Variants in KIF3B observed in about 807,000 individuals in gnomAD.
KIF3B encodes the protein kinesin family member 3B, also known as kinesin-like protein KIF3B.
Under a neutral mutation model 74.3 loss-of-function variants are expected in KIF3B, and 38 were observed. The ratio of observed to expected loss-of-function variants is 0.51; its 90% CI spans 0.39 to 0.67. The LOEUF is 0.67. Among genes scored for constraint, KIF3B ranks in the 30% least tolerant of loss-of-function variants. The probability of loss-of-function intolerance (pLI) is 0.00; values close to 1 mark genes in which losing one functional copy is unlikely to be tolerated. For synonymous variants in KIF3B, 326 were observed against 342.5 expected (o/e 0.95, Z 0.53); for missense variants, 649 against 932.0 (o/e 0.70, Z 3.95).
intron 1 of KIF3B, among the ~76,000 whole-genome samples, chr20:32,279,273 A>G (rs2047631195): frequency 6.6e-6 from 1 of 152,036 alleles, no homozygotes; most frequent in African/African-American, 2.4e-5. Flanking sequence ...ACGTGTTTCT[A>G]GGTAAATCCT....
At chr20:32,329,354 T>G (rs1357999821) in intron 7 of KIF3B, among the ~76,000 whole-genome samples, 2 of 150,248 alleles carry the variant, frequency 1.3e-5, no homozygotes, top group Non-Finnish European at 3.0e-5. Context: ...TTTTTTCTTT[T>G]TTTTTTTTTT....
intron 1 of KIF3B, among the ~76,000 whole-genome samples, chr20:32,281,408 G>A (rs2047642323): frequency 6.6e-6 from 1 of 152,188 alleles, no homozygotes; most frequent in Admixed American, 6.6e-5. Flanking sequence ...TTCTGTTTTA[G>A]CCTGGAGATA....
chr20:32,318,508 T>C (rs1195514900), intron 5 of KIF3B, among the ~76,000 whole-genome samples: 1 of 152,176 alleles, frequency 6.6e-6, no homozygotes, highest in Non-Finnish European at 1.5e-5. Context: ...GCTTCCTGTC[T>C]CTATGGCTTT....
At chr20:32,290,967 A>G (rs1444156938) in intron 1 of KIF3B, among the ~76,000 whole-genome samples, 1 of 152,176 alleles carries the variant, frequency 6.6e-6, no homozygotes, top group Non-Finnish European at 1.5e-5. Context: ...CACATGCTTT[A>G]GTATTGATGA....
intron 5 of KIF3B, among the ~76,000 whole-genome samples, chr20:32,319,300 T>C (rs1482694386): frequency 6.6e-6 from 1 of 151,748 alleles, no homozygotes; most frequent in African/African-American, 2.4e-5. Context: ...TCCTGTCTCT[T>C]TTATCATAGA....
In KIF3B at chr20:32,320,535, T is replaced by TA. The variant is rs533344629; in HGVS notation, c.1748+3662dup. ...TGTTTTGTTAGTTTTTTTTTTTTTT[T>TA]AGAGATAAGGCCTTCTTCTGTCAAT... On this transcript the variant is annotated intron_variant, in intron 5 of 8. Coordinates refer to ENST00000375712, the MANE Select transcript of KIF3B (RefSeq NM_004798.4). Among the ~76,000 whole-genome samples the TA allele has an allele frequency of 5.1e-3, 761 of 150,544 alleles. 6 individuals carry two copies. Among genetic ancestry groups the TA allele is most frequent in the African/African-American group, 0.018 (733 of 40,568 alleles).
intron 4 of KIF3B, 51 bp downstream of exon 4, chr20:32,316,700 G>C: frequency 6.2e-7 from 1 of 1,614,002 alleles, no homozygotes; most frequent in East Asian, 2.2e-5. Context: ...TGGGGAAAGG[G>C]AGAACTCTAC....
chr20:32,292,899 G>A (rs1395671515), intron 1 of KIF3B, among the ~76,000 whole-genome samples: 3 of 152,202 alleles, frequency 2.0e-5, no homozygotes, highest in African/African-American at 7.2e-5. Context: ...CTGCAGTACT[G>A]TTTGCAGTAG....
intron 2 of KIF3B, 118 bp downstream of exon 2, chr20:32,311,299 C>A: frequency 1.8e-6 from 2 of 1,104,502 alleles, no homozygotes; most frequent in South Asian, 1.7e-5. Context: ...TTTGGATTTC[C>A]AACAGCTCAT....
At chr20:32,327,180 G>A (rs1331210171) in intron 6 of KIF3B, among the ~76,000 whole-genome samples, 2 of 152,072 alleles carry the variant, frequency 1.3e-5, no homozygotes, top group Admixed American at 6.6e-5. Flanking sequence ...GCTAGGTCAC[G>A]TAAGGGGCAA....
intron 1 of KIF3B, among the ~76,000 whole-genome samples, chr20:32,294,993 T>C (rs905718697): frequency 2.6e-5 from 4 of 152,206 alleles, no homozygotes; most frequent in African/African-American, 9.7e-5. Context: ...ACTCCCTTAT[T>C]GATGAGCATT....
intron 5 of KIF3B, among the ~76,000 whole-genome samples, chr20:32,322,760 A>ATATATT (rs1166483291): frequency 0.021 from 962 of 46,626 alleles, 100 homozygotes; most frequent in African/African-American, 0.13. Flanking sequence ...ATATATATTT[A>ATATATT]TATATATTTA....
rs2047930954 is a variant in KIF3B, at chr20:32,331,681, C to T, written c.*362C>T. The T allele has an allele frequency of 4.3e-6, 1 of 231,752 alleles. No homozygotes were observed. Among genetic ancestry groups the T allele is most frequent in the South Asian group, 7.0e-5 (1 of 14,294 alleles). The allele number at this position is 231,752 out of a possible 1,614,324, so 14.4% of individuals were successfully genotyped here. A position where few individuals can be genotyped will look rare whatever the true frequency, so the allele number is the denominator to read the frequency against. ...CTCTCCTTTTCTAGCCTGTTCTTTA[C>T]ATGGGGCTCCCTTCTTGTTGAACAA... On this transcript the variant is annotated 3_prime_UTR_variant, in exon 9 of 9. Coordinates refer to ENST00000375712, the MANE Select transcript of KIF3B (RefSeq NM_004798.4).
chr20:32,293,249 C>T (rs1484701660), intron 1 of KIF3B, among the ~76,000 whole-genome samples: 2 of 149,726 alleles, frequency 1.3e-5, no homozygotes, highest in East Asian at 4.0e-4. Flanking sequence ...GACTCTGTCT[C>T]AAAATAAATG....
chr20:32,303,751 A>G (rs1021485079), intron 1 of KIF3B, among the ~76,000 whole-genome samples: 2 of 150,858 alleles, frequency 1.3e-5, no homozygotes, highest in Non-Finnish European at 3.0e-5. Flanking sequence ...GCTATTCGGG[A>G]GGCTGAGGCA....
intron 1 of KIF3B, among the ~76,000 whole-genome samples, chr20:32,283,695 A>T (rs1056122406): frequency 1.3e-5 from 2 of 151,850 alleles, no homozygotes; most frequent in Non-Finnish European, 2.9e-5. Context: ...TTGTAGTCCC[A>T]GCTACTTCGG....
intron 1 of KIF3B, among the ~76,000 whole-genome samples, chr20:32,306,617 G>A (rs1370026837): frequency 8.9e-6 from 1 of 112,466 alleles, no homozygotes; most frequent in African/African-American, 3.5e-5. Flanking sequence ...TTGAGACGGA[G>A]TCTCGCTGTG....
rs756318630 is a variant in KIF3B, at chr20:32,277,706, C to CCCGCCG, written c.-92_-87dup. ...ATGGCTGAGCCAGGGGTTCGCCGCC[C>CCCGCCG]CCGCCGCCGCCGCCGCCGCCGCCGC... On this transcript the variant is annotated 5_prime_UTR_variant, in exon 1 of 9. Transcript: ENST00000375712. 1.5e-3 allele frequency: 395 copies of CCCGCCG among 261,194 alleles called. No homozygotes were observed. Among genetic ancestry groups the CCCGCCG allele is most frequent in the African/African-American group, 2.9e-3 (127 of 43,084 alleles). The allele number at this position is 261,194 out of a possible 1,614,324, so 16.2% of individuals were successfully genotyped here. A position where few individuals can be genotyped will look rare whatever the true frequency, so the allele number is the denominator to read the frequency against.
intron 1 of KIF3B, among the ~76,000 whole-genome samples, chr20:32,303,471 A>G (rs2047754069): frequency 1.3e-5 from 2 of 152,062 alleles, no homozygotes; most frequent in African/African-American, 4.8e-5. Context: ...AGGCTGAGGC[A>G]GGAGAATTGC....
Sources: gnomAD v4.1 joint callset for allele counts (sites outside exome capture counted in the v4.1 genomes callset) on GRCh38, gnomAD v4.1.1 for gene constraint, MANE v1.5 for transcripts, NCBI Gene and HGNC (gene_info 2026-07-23, HGNC 2026-07-21) for gene names.